BGN: variants seen among roughly 807,000 people sequenced by gnomAD.
The protein encoded by BGN is biglycan.
BGN carries 6 observed loss-of-function variants against 20.0 expected under a neutral mutation model. That is an observed-to-expected ratio of 0.30 (90% CI 0.16 to 0.59). The LOEUF (loss-of-function observed/expected upper bound fraction) is 0.59. BGN is among the 20% of genes least tolerant of loss of function. The pLI, the probability that BGN is intolerant of heterozygous loss-of-function variation, is 0.88. For synonymous variants in BGN, 146 were observed against 134.6 expected, an observed-to-expected ratio of 1.08 and a Z score of -0.59; for missense variants, 292 against 312.1, an observed-to-expected ratio of 0.94 and a Z score of 0.49.
rs782407838 is a variant in BGN at position 153,508,813 on chromosome X, A to G, written c.*368A>G. ...TGGGTCAGCAGCCAGGAGGCGGTCC[A>G]TAAGAATGGGGACAGTGGGCTCTGC... On this transcript the variant is annotated 3_prime_UTR_variant, in exon 8 of 8. Coordinates refer to ENST00000331595, the MANE Select transcript of BGN (RefSeq NM_001711.6). The G allele has an allele frequency of 7.6e-6, 2 of 261,527 alleles. No individual in the cohort carries two copies. Among genetic ancestry groups the G allele is most frequent in the Non-Finnish European group, 1.4e-5 (2 of 146,801 alleles). 21.6% of individuals were successfully genotyped at this position (261,527 alleles called of 1,213,427 possible).
Position 153,498,931 on chromosome X carries a change from T to C in BGN, c.-12+3818T>C, listed in dbSNP as rs1245152146. On this transcript the variant is annotated intron_variant, in intron 1 of 7. Transcript: ENST00000331595. ...GGAGCCCCCTGCACAGCCCCGAGAG[T>C]GTGAAGCGTGTCAGCTTTGGGGCCT... Among the ~76,000 whole-genome samples the C allele has an allele frequency of 4.5e-5, 5 of 110,169 alleles. No homozygotes were observed. The Admixed American group carries it at 4.8e-4, about 11-fold the overall frequency.
rs2269405 is a variant in BGN at position 153,507,355 on chromosome X, G to T, written c.909+170G>T. On this transcript the variant is annotated intron_variant, in intron 7 of 7. Coordinates refer to ENST00000331595, the MANE Select transcript of BGN (RefSeq NM_001711.6). ...GGTGCTGAGGAGGCAGGGAGCAGGG[G>T]CTCCATGGTGGATACCGAGCAAGGC... Among the ~76,000 whole-genome samples, 36,749 of 111,609 alleles carry T rather than the reference G, an allele frequency of 0.33. 4,474 individuals are homozygous for T. Among genetic ancestry groups the T allele is most frequent in the East Asian group, 0.43 (1,493 of 3,492 alleles).
chrX:153,501,036 A>C (rs976305820), intron 1 of BGN, among the ~76,000 whole-genome samples: 1 of 107,281 alleles, frequency 9.3e-6, no homozygotes, highest in African/African-American at 3.5e-5. Flanking sequence ...ATATGTGTGG[A>C]TGTGTGCATG....
chrX:153,503,690 C>T (rs1431724937), intron 1 of BGN, among the ~76,000 whole-genome samples: 1 of 111,908 alleles, frequency 8.9e-6, no homozygotes, highest in Non-Finnish European at 1.9e-5. Context: ...AGGGCTGCTT[C>T]GCCTCCACTC....
chrX:153,506,574 C>G lies in BGN; in HGVS notation c.611C>G (p.Ala204Gly). The G allele has an allele frequency of 8.3e-7, 1 of 1,211,108 alleles. No individual in the cohort carries two copies. The highest frequency in any genetic ancestry group is 1.7e-5 in the African/African-American group (1 of 57,579). The change falls in exon 5 of 8, where the codon GCC becomes GGC. Residue 204 changes from alanine to glycine, a missense_variant. Transcript: ENST00000331595. Reference protein sequence around the residue: ...PLENSGFEPGAFDGLKLNYLR... With the variant: ...PLENSGFEPGGFDGLKLNYLR... ...GAGAACAGTGGCTTTGAACCTGGAG[C>G]CTTCGATGGCCTGAAGCTCAACTAC...
intron 3 of BGN, 190 bp downstream of exon 3, chrX:153,505,540 G>A (rs1362201983): frequency 2.0e-5 from 9 of 448,839 alleles, no homozygotes; most frequent in Non-Finnish European, 3.1e-5. Context: ...AACCACAGCT[G>A]CAGGACCGGA....
intron 1 of BGN, among the ~76,000 whole-genome samples, chrX:153,496,304 G>A (rs1286269015): frequency 3.5e-5 from 4 of 112,845 alleles, no homozygotes; most frequent in Middle Eastern, 4.7e-3. Context: ...CCCTGCCCCC[G>A]TGCCAGAAAG....
rs60374028 is a variant in BGN, at chrX:153,509,061, CTGTG to C, written c.*658_*661del. On this transcript the variant is annotated 3_prime_UTR_variant, in exon 8 of 8. Transcript: ENST00000331595. ...TCTCTCTCTCTCTCTCTCTCTCTTTCTGTGTGTGTGTGTGTGTGTGTGTGTGTGT... is the reference window on the plus strand; with the variant it reads ...TCTCTCTCTCTCTCTCTCTCTCTTTCTGTGTGTGTGTGTGTGTGTGTGTGT... 15,978 of 83,452 alleles carry C rather than the reference CTGTG, an allele frequency of 0.19. 1,564 individuals carry two copies. The highest frequency in any genetic ancestry group is 0.38 in the East Asian group (959 of 2,491). 6.9% of individuals were successfully genotyped at this position (83,452 alleles called of 1,213,427 possible).
intron 4 of BGN, among the ~76,000 whole-genome samples, 166 bp downstream of exon 4, chrX:153,506,242 G>A (rs782355255): frequency 1.8e-5 from 2 of 112,180 alleles, no homozygotes; most frequent in Non-Finnish European, 3.8e-5. Context: ...CGATCACCAC[G>A]GCTAAAGAGA....
intron 5 of BGN, 63 bp from the exon 6 acceptor site, chrX:153,506,767 G>C: frequency 8.6e-7 from 1 of 1,167,151 alleles, no homozygotes; most frequent in Non-Finnish European, 1.2e-6. Context: ...CGCCACCTGG[G>C]GCAGAGCTAG....
At chrX:153,497,941 A>G (rs1556991099) in intron 1 of BGN, among the ~76,000 whole-genome samples, 1 of 111,991 alleles carries the variant, frequency 8.9e-6, no homozygotes, top group Non-Finnish European at 1.9e-5. Flanking sequence ...TGGGGTGGCT[A>G]TGGAGGGGCC....
rs1556992691 is a variant in BGN at position 153,504,854 on chromosome X, C to T, written c.223C>T (p.Gln75Ter). The T allele has an allele frequency of 8.3e-7, 1 of 1,204,572 alleles. No individual in the cohort carries two copies. Among genetic ancestry groups the T allele is most frequent in the Non-Finnish European group, 1.1e-6 (1 of 893,586 alleles). ...FGCHCHLRVV[Q>*]CSDLGLKSVP... ...CTGCCACTGCCACCTGCGGGTGGTT[C>T]AGTGCTCCGACCTGGGTTTGTCCCT... Residue 75 changes from glutamine (Q) to a stop codon, truncating the protein, a stop_gained, in exon 2 of 8, where the codon CAG (glutamine) becomes TAG (stop). Coordinates refer to ENST00000331595, the MANE Select transcript of BGN (RefSeq NM_001711.6). LOFTEE classifies it high-confidence loss of function.
In BGN at chrX:153,508,531, C is replaced by T; in HGVS notation, c.*86C>T. ...CTGATGGGGAGGCAGAGCCAGGAAG[C>T]TAAGCCAGGGCCCAGCTGCGTCCAA... On this transcript the variant is annotated 3_prime_UTR_variant, in exon 8 of 8. Coordinates refer to ENST00000331595, the MANE Select transcript of BGN (RefSeq NM_001711.6). The T allele has an allele frequency of 9.3e-7, 1 of 1,072,078 alleles. No individual in the cohort carries two copies. The highest frequency in any genetic ancestry group is 1.3e-6 in the Non-Finnish European group (1 of 792,705). The allele number at this position is 1,072,078 out of a possible 1,213,427, so 88.4% of individuals were successfully genotyped here. A position where few individuals can be genotyped will look rare whatever the true frequency, so the allele number is the denominator to read the frequency against.
At position 153,504,683 on chromosome X, in the gene BGN, C is replaced by T. The variant is rs1305457220; in HGVS notation, c.52C>T (p.Pro18Ser). The T allele has an allele frequency of 1.3e-5, 16 of 1,210,522 alleles. No individual in the cohort carries two copies. The Admixed American group carries it at 3.5e-4, about 26-fold the overall frequency. ...TCTGCTGGCCCTGAGCCAGGCCCTG[C>T]CCTTTGAGCAGAGAGGCTTCTGGGA... is the stretch of plus-strand genomic sequence containing the variant. ...VSLLALSQAL[P>S]FEQRGFWDFT... Residue 18 changes from proline to serine, a missense_variant, in exon 2 of 8, where the codon CCC becomes TCC. Transcript: ENST00000331595.
intron 1 of BGN, among the ~76,000 whole-genome samples, chrX:153,502,771 A>G (rs797025605): frequency 8.9e-6 from 1 of 112,650 alleles, no homozygotes; most frequent in South Asian, 3.7e-4. Context: ...CCAGCTCCAC[A>G]TGAGGGGGAA....
chrX:153,499,473 A>G (rs1172436445), intron 1 of BGN, among the ~76,000 whole-genome samples: 2 of 113,205 alleles, frequency 1.8e-5, no homozygotes, highest in Non-Finnish European at 3.7e-5. Context: ...CCACCCTGCC[A>G]GAAAACCTCT....
chrX:153,501,562 C>T (rs112720761), intron 1 of BGN, among the ~76,000 whole-genome samples: 29,035 of 112,172 alleles, frequency 0.26, 3,150 homozygotes, highest in Non-Finnish European at 0.35. Context: ...TCCTATCCTT[C>T]CCCCCAGGCT....
At chrX:153,506,164 CAAGAAA>C (rs1469296448) in intron 4 of BGN, 88 bp downstream of exon 4, 2 of 937,208 alleles carry the variant, frequency 2.1e-6, no homozygotes, top group Non-Finnish European at 3.0e-6. Flanking sequence ...AGGCTCAGTT[CAAGAAA>C]GAGTATGGTG....
chrX:153,503,886 C>T lies in BGN; in HGVS notation c.-11-735C>T, dbSNP rs1260558558. On this transcript the variant is annotated intron_variant, in intron 1 of 7. Coordinates refer to ENST00000331595, the MANE Select transcript of BGN (RefSeq NM_001711.6). ...AGGCGGTGTGGGCGGGGGGCTGGGG[C>T]GGGTGGTCCAGAGGAGGAAGCCAAG... Among the ~76,000 whole-genome samples, 5 of 89,458 alleles carry T rather than the reference C, an allele frequency of 5.6e-5. No individual in the cohort carries two copies. In the East Asian group the frequency reaches 1.2e-3, roughly 21 times the overall value. The allele number at this position is 89,458 out of a possible 115,157, so 77.7% of individuals were successfully genotyped here.
Sources: gnomAD v4.1 joint callset for allele counts (sites outside exome capture counted in the v4.1 genomes callset) on GRCh38, gnomAD v4.1.1 for gene constraint, MANE v1.5 for transcripts, NCBI Gene and HGNC (gene_info 2026-07-23, HGNC 2026-07-21) for gene names.